The following IL17RE variants were observed in gnomAD, a reference collection of about 807,000 sequenced individuals.
IL17RE encodes the protein interleukin 17 receptor E.
In IL17RE, 47 loss-of-function variants were observed where a neutral mutation model predicts 70.7. The ratio of observed to expected loss-of-function variants is 0.67; its 90% CI spans 0.53 to 0.85. The LOEUF is 0.85. Among genes scored for constraint, IL17RE ranks in the 40% least tolerant of loss-of-function variants. IL17RE has a pLI of 0.00. For synonymous variants in IL17RE, 372 were observed against 381.2 expected (o/e 0.98, Z 0.28); for missense variants, 850 against 893.9 (o/e 0.95, Z 0.63).
chr3:9,903,088 G>A, intron 1 of IL17RE, 24 bp downstream of exon 1: 2 of 1,582,990 alleles, frequency 1.3e-6, no homozygotes, highest in Non-Finnish European at 1.7e-6. Flanking sequence ...GCCAGGTAGG[G>A]ACACCTGCCT....
At chr3:9,907,200 G>A in intron 6 of IL17RE, 100 bp downstream of exon 6, 1 of 1,470,788 alleles carries the variant, frequency 6.8e-7, no homozygotes, top group Middle Eastern at 2.1e-4. Context: ...AGAGAGGGAT[G>A]GTAACTGTCC....
intron 7 of IL17RE, among the ~76,000 whole-genome samples, chr3:9,909,014 C>G (rs13068006): frequency 6.6e-6 from 1 of 152,126 alleles, no homozygotes; most frequent in Non-Finnish European, 1.5e-5. Flanking sequence ...GAGTTAGCCC[C>G]TCACTTGCTT....
Position 9,914,528 on chromosome 3 carries a change from G to A in IL17RE, c.1297-20G>A. ...GAGAAGATGCCTGGCTCATAGGGGTGGGGGGCTCTGTGCCCTCAGGTGTGG... is the reference window on the plus strand; with the variant it reads ...GAGAAGATGCCTGGCTCATAGGGGTAGGGGGCTCTGTGCCCTCAGGTGTGG... On this transcript the variant is annotated intron_variant, in intron 13 of 15. Coordinates refer to ENST00000383814, the MANE Select transcript of IL17RE (RefSeq NM_153480.2). 6.2e-7 allele frequency: 1 copy of A among 1,613,474 alleles called. No individual in the cohort carries two copies. Among genetic ancestry groups the A allele is most frequent in the Non-Finnish European group, 8.5e-7 (1 of 1,179,710 alleles).
At chr3:9,906,079 G>A (rs937494478) in intron 3 of IL17RE, among the ~76,000 whole-genome samples, 32 of 151,444 alleles carry the variant, frequency 2.1e-4, no homozygotes, top group Admixed American at 2.6e-4. Flanking sequence ...CAGAAACCCC[G>A]TCTCCACTAA....
intron 12 of IL17RE, among the ~76,000 whole-genome samples, chr3:9,912,949 A>C (rs1458217977): frequency 6.6e-6 from 1 of 152,156 alleles, no homozygotes; most frequent in African/African-American, 2.4e-5. Context: ...GGGAGATACA[A>C]GAAAAGTATA....
chr3:9,914,372 G>A, intron 13 of IL17RE, 176 bp from the exon 14 acceptor site: 1 of 1,474,782 alleles, frequency 6.8e-7, no homozygotes, highest in Non-Finnish European at 8.9e-7. Flanking sequence ...TCACACTTGA[G>A]TTTGCCACCA....
Position 9,906,741 on chromosome 3 carries a change from G to A in IL17RE, c.402G>A (p.Lys134=), listed in dbSNP as rs768755448. 51 of 1,614,096 alleles carry A rather than the reference G, an allele frequency of 3.2e-5. No individual in the cohort carries two copies. In the East Asian group the frequency reaches 1.0e-3, roughly 32 times the overall value. The part of the protein sequence containing the change: ...KLLPRRHLSE[K]SHHISIPSPD... ...TGCCTCGTCGTCACCTGTCTGAGAAGAGCCATCACATTTCCATCCCCTCCC... is the reference window on the plus strand; with the variant it reads ...TGCCTCGTCGTCACCTGTCTGAGAAAAGCCATCACATTTCCATCCCCTCCC... The change falls in exon 5 of 16, where the codon AAG becomes AAA. Residue 134 remains lysine, a synonymous_variant. Transcript: ENST00000383814.
In IL17RE at chr3:9,914,385, G is replaced by GGC; in HGVS notation, c.1297-163_1297-162insGC. 5 of 1,494,862 alleles carry GGC rather than the reference G, an allele frequency of 3.3e-6. No individual in the cohort carries two copies. The South Asian group carries it at 6.8e-5, about 20-fold the overall frequency. 92.6% of individuals were successfully genotyped at this position (1,494,862 alleles called of 1,614,324 possible). A position where few individuals can be genotyped will look rare whatever the true frequency, so the allele number is the denominator to read the frequency against. Reference sequence around the variant, plus strand: ...TGTCACACTTGAGTTTGCCACCATTGACCTGTTCTGTGCCAGGCTAGCAGC... The same window carrying GGC: ...TGTCACACTTGAGTTTGCCACCATTGGCACCTGTTCTGTGCCAGGCTAGCAGC... On this transcript the variant is annotated intron_variant, in intron 13 of 15. Transcript: ENST00000383814.
intron 3 of IL17RE, among the ~76,000 whole-genome samples, chr3:9,905,453 CAAGA>C (rs879868201): frequency 4.0e-5 from 6 of 151,164 alleles, no homozygotes; most frequent in African/African-American, 1.2e-4. Context: ...AAAATCCTGT[CAAGA>C]AAGGAAGGAA....
chr3:9,902,959 G>A lies in IL17RE; in HGVS notation c.27G>A (p.Leu9=), dbSNP rs763670129. 2.5e-6 allele frequency: 4 copies of A among 1,614,134 alleles called. No homozygotes were observed. In the Admixed American group the frequency reaches 6.7e-5, roughly 27 times the overall value. Residue 9 remains leucine, a synonymous_variant, in exon 1 of 16, where the codon CTG becomes CTA. Transcript: ENST00000383814. The stretch of plus-strand genomic sequence containing the variant: ...TGGGGAGCTCCAGACTGGCAGCCCT[G>A]CTCCTGCCTCTCCTCCTCATAGTCA... MGSSRLAA[L]LLPLLLIVID...
chr3:9,912,993 G>A (rs1465937736), intron 12 of IL17RE, among the ~76,000 whole-genome samples: 1 of 152,144 alleles, frequency 6.6e-6, no homozygotes, highest in Non-Finnish European at 1.5e-5. Context: ...ACTAATAATA[G>A]CTGTTACCAA....
chr3:9,914,048 A>T, intron 13 of IL17RE, 24 bp downstream of exon 13: 1 of 1,580,318 alleles, frequency 6.3e-7, no homozygotes, highest in Non-Finnish European at 8.7e-7. Flanking sequence ...CCCTCACTCT[A>T]CATACAGAGC....
Position 9,915,395 on chromosome 3 carries a change from A to G in IL17RE, c.1592A>G (p.His531Arg). The G allele has an allele frequency of 7.3e-7, 1 of 1,363,478 alleles. No homozygotes were observed. 84.5% of individuals were successfully genotyped at this position (1,363,478 alleles called of 1,614,324 possible). ...ATCGTGGACCTGTGGGAGGGGAGGCACGTGGCGCGCGTGGGCCCGCTGCCG... is the reference window on the plus strand; with the variant it reads ...ATCGTGGACCTGTGGGAGGGGAGGCGCGTGGCGCGCGTGGGCCCGCTGCCG... ...DVIVDLWEGR[H>R]VARVGPLPWL... Residue 531 changes from histidine (H) to arginine (R), a missense_variant, in exon 16 of 16, where the codon CAC becomes CGC. By Grantham distance (29) the His-to-Arg change is conservative. Coordinates refer to ENST00000383814, the MANE Select transcript of IL17RE (RefSeq NM_153480.2). The surrounding 1 kb of genome is among the most constrained non-coding windows in gnomAD (Gnocchi z 4.9).
At chr3:9,911,870 C>T (rs1297726810) in intron 12 of IL17RE, 3 of 312,578 alleles carry the variant, frequency 9.6e-6, no homozygotes, top group East Asian at 6.3e-5. Flanking sequence ...GGCGCGATCT[C>T]GGCTCACTGC....
At chr3:9,908,770 A>G (rs941056283) in intron 7 of IL17RE, among the ~76,000 whole-genome samples, 1 of 152,208 alleles carries the variant, frequency 6.6e-6, no homozygotes, top group African/African-American at 2.4e-5. Flanking sequence ...AGAAAAGGCA[A>G]GGGAAATTGT....
At chr3:9,904,220 A>T in intron 3 of IL17RE, 69 bp downstream of exon 3, 1 of 1,568,226 alleles carries the variant, frequency 6.4e-7, no homozygotes, top group Admixed American at 1.7e-5. Flanking sequence ...TAGGCTGAGC[A>T]AGTGGGACTT....
intron 4 of IL17RE, 106 bp from the exon 5 acceptor site, chr3:9,906,600 A>G: frequency 2.1e-6 from 3 of 1,463,034 alleles, no homozygotes; most frequent in Non-Finnish European, 2.8e-6. Flanking sequence ...AGGGAGGCCA[A>G]AAGAGTTTGA....
At chr3:9,902,577 A>C, upstream of IL17RE, 1 of 1,502,382 alleles carries the variant, frequency 6.7e-7, no homozygotes, top group Non-Finnish European at 9.0e-7. Flanking sequence ...TGGGTGGATC[A>C]GATCTGCAGT....
chr3:9,915,134 A>AGGGGCG lies in IL17RE; in HGVS notation c.1448-103_1448-98dup, dbSNP rs368430639. 1.8e-4 allele frequency: 210 copies of AGGGGCG among 1,178,636 alleles called. No homozygotes were observed. The highest frequency in any genetic ancestry group is 9.6e-4 in the Middle Eastern group (3 of 3,130). 73.0% of individuals were successfully genotyped at this position (1,178,636 alleles called of 1,614,324 possible). On this transcript the variant is annotated intron_variant, in intron 15 of 15. Transcript: ENST00000383814. The surrounding 1 kb of genome is among the most constrained non-coding windows in gnomAD (Gnocchi z 4.9). ...TCGGTACCAACCCCCAGAGCAAATAAGGGGCGGGGGCGGGGGCGGAGAGGC... is the reference window on the plus strand; with the variant it reads ...TCGGTACCAACCCCCAGAGCAAATAAGGGGCGGGGGCGGGGGCGGGGGCGGAGAGGC...
Sources: gnomAD v4.1 joint callset for allele counts (sites outside exome capture counted in the v4.1 genomes callset) on GRCh38, gnomAD v4.1.1 for gene constraint, Gnocchi (gnomAD v3.1) non-coding constraint, MANE v1.5 for transcripts, NCBI Gene and HGNC (gene_info 2026-07-23, HGNC 2026-07-21) for gene names.